Variants in MCM9 observed in about 807,000 individuals in gnomAD.
MCM9 encodes the protein DNA helicase MCM9.
Under a neutral mutation model 72.8 loss-of-function variants are expected in MCM9, and 55 were observed. The ratio of observed to expected loss-of-function variants is 0.76; its 90% confidence interval spans 0.61 to 0.95. The LOEUF is 0.95. Ranked by LOEUF, MCM9 falls within the 40% of genes least tolerant of loss-of-function variation. The pLI is 0.00. For missense variants in MCM9, 1,279 were observed against 1,377.0 expected (o/e 0.93, Z 1.13); for synonymous variants, 480 against 503.4 (o/e 0.95, Z 0.62).
intron 8 of MCM9, among the ~76,000 whole-genome samples, chr6:118,866,835 T>C (rs1468372566): frequency 6.6e-6 from 1 of 151,994 alleles, no homozygotes; most frequent in South Asian, 2.1e-4. Context: ...GCCCAAACAA[T>C]ACCAAATAAG....
chr6:118,880,271 C>A (rs1209824085), intron 8 of MCM9, among the ~76,000 whole-genome samples: 1 of 152,016 alleles, frequency 6.6e-6, no homozygotes, highest in African/African-American at 2.4e-5. Context: ...AAGAAATTAA[C>A]TGAGACTAAC....
chr6:118,826,141 C>CCT lies in MCM9; in HGVS notation c.1961+4_1961+5dup. On this transcript the variant is annotated splice_donor_region_variant and intron_variant, in intron 13 of 13. Transcript: ENST00000619706. ...TTGTATGCCTTTCTGGGTTTTCATT[C>CCT]CTCACCTTTCAAGTCTTCTAAGCTC... 6.5e-7 allele frequency: 1 copy of CCT among 1,543,780 alleles called. No individual in the cohort carries two copies. The highest frequency in any genetic ancestry group is 8.7e-7 in the Non-Finnish European group (1 of 1,144,962).
At chr6:118,865,860 G>A (rs1331668047) in intron 8 of MCM9, among the ~76,000 whole-genome samples, 1 of 152,152 alleles carries the variant, frequency 6.6e-6, no homozygotes, top group African/African-American at 2.4e-5. Flanking sequence ...GAAAAAAAGA[G>A]GTGGACATAC....
At chr6:118,843,666 A>ACACG (rs367867148) in intron 9 of MCM9, among the ~76,000 whole-genome samples, 7 of 29,356 alleles carry the variant, frequency 2.4e-4, no homozygotes, top group African/African-American at 5.0e-4. Context: ...GTGTATATAT[A>ACACG]TATGTATGTA....
chr6:118,898,811 G>A (rs141109064), intron 8 of MCM9, among the ~76,000 whole-genome samples: 1,603 of 152,076 alleles, frequency 0.011, 16 homozygotes, highest in Non-Finnish European at 0.018. Flanking sequence ...TTGGCTTTTG[G>A]GTCACCTACC....
chr6:118,934,705 T>G (rs1263647578), intron 1 of MCM9, 186 bp downstream of exon 1: 1 of 152,276 alleles, frequency 6.6e-6, no homozygotes, highest in East Asian at 1.9e-4. Context: ...ACAGGGTCTT[T>G]GCACGCAGCC....
At chr6:118,861,956 G>A (rs981852186) in intron 8 of MCM9, among the ~76,000 whole-genome samples, 1 of 152,140 alleles carries the variant, frequency 6.6e-6, no homozygotes, top group Non-Finnish European at 1.5e-5. Context: ...GAGGCCTGTA[G>A]GCCCATGCTG....
chr6:118,884,302 AG>A (rs1427980006), intron 8 of MCM9, among the ~76,000 whole-genome samples: 1 of 152,208 alleles, frequency 6.6e-6, no homozygotes, highest in African/African-American at 2.4e-5. Context: ...CAGCATAAAA[AG>A]GGGAAAATGG....
chr6:118,834,575 T>C (rs983218949), intron 9 of MCM9, among the ~76,000 whole-genome samples: 4 of 152,192 alleles, frequency 2.6e-5, no homozygotes, highest in South Asian at 2.1e-4. Context: ...TAGTACCTAA[T>C]TGTGGTTTTG....
At chr6:118,915,428 G>A (rs114484986) in intron 6 of MCM9, among the ~76,000 whole-genome samples, 1,580 of 152,194 alleles carry the variant, frequency 0.01, 29 homozygotes, top group African/African-American at 0.036. Flanking sequence ...CCCCAAAGAG[G>A]GTTCAGATGG....
chr6:118,854,266 G>A (rs940324524), intron 9 of MCM9, among the ~76,000 whole-genome samples: 1 of 152,150 alleles, frequency 6.6e-6, no homozygotes, highest in Non-Finnish European at 1.5e-5. Context: ...GACCAGAAAT[G>A]AGAAGAGCTG....
intron 8 of MCM9, chr6:118,907,853 C>T (rs549775585): frequency 1.6e-4 from 61 of 388,180 alleles, no homozygotes; most frequent in African/African-American, 1.2e-3. Context: ...CTGATTAAAG[C>T]ATATATATTA....
chr6:118,933,038 T>G (rs1782564897), intron 1 of MCM9, among the ~76,000 whole-genome samples: 1 of 152,156 alleles, frequency 6.6e-6, no homozygotes, highest in African/African-American at 2.4e-5. Context: ...AGTAAAAGGT[T>G]CTCTATGTCC....
intron 13 of MCM9, among the ~76,000 whole-genome samples, chr6:118,820,470 CACTGTGGTCTGAGAA>C (rs1175040562): frequency 6.6e-6 from 1 of 152,172 alleles, no homozygotes; most frequent in Non-Finnish European, 1.5e-5. Context: ...AATTTGATTG[CACTGTGGTCTGAGAA>C]ACTGTTTGTG....
chr6:118,926,315 A>T (rs1384399492), intron 3 of MCM9, among the ~76,000 whole-genome samples: 1 of 152,222 alleles, frequency 6.6e-6, no homozygotes, highest in Non-Finnish European at 1.5e-5. Context: ...ACATACTCAG[A>T]ATACTAACAT....
chr6:118,905,672 A>T (rs1456070963), intron 8 of MCM9: 2 of 1,612,484 alleles, frequency 1.2e-6, no homozygotes, highest in African/African-American at 2.7e-5. Context: ...CTAATCCAGG[A>T]CTCATTCCAG....
intron 8 of MCM9, among the ~76,000 whole-genome samples, chr6:118,858,095 T>C (rs954755240): frequency 2.6e-5 from 4 of 152,120 alleles, no homozygotes; most frequent in Admixed American, 6.5e-5. Context: ...GTACCTCTAA[T>C]ATGGATGCGA....
At chr6:118,817,494 C>G (rs560435429) in intron 13 of MCM9, among the ~76,000 whole-genome samples, 5 of 152,254 alleles carry the variant, frequency 3.3e-5, no homozygotes, top group African/African-American at 1.2e-4. Flanking sequence ...CTGCATAGTA[C>G]TCCATGGTGT....
intron 9 of MCM9, among the ~76,000 whole-genome samples, chr6:118,845,514 C>G (rs1003105600): frequency 9.2e-5 from 14 of 151,638 alleles, no homozygotes; most frequent in Non-Finnish European, 1.9e-4. Context: ...GCGGGGAGCT[C>G]TTTTAAAAAA....
Sources: gnomAD v4.1 joint callset for allele counts (sites outside exome capture counted in the v4.1 genomes callset) on GRCh38, gnomAD v4.1.1 for gene constraint, MANE v1.5 for transcripts, NCBI Gene and HGNC (gene_info 2026-07-23, HGNC 2026-07-21) for gene names.